The following DCC variants were observed in gnomAD, a reference collection of about 807,000 sequenced individuals.
DCC encodes the protein DCC netrin 1 receptor, also known as netrin receptor DCC.
Under a neutral mutation model 172.5 loss-of-function variants are expected in DCC, and 58 were observed. The observed-to-expected ratio is 0.34, with a 90% CI of 0.27 to 0.42. The LOEUF (loss-of-function observed/expected upper bound fraction) is 0.42. DCC is among the 10% of genes least tolerant of loss of function. The pLI is 1.00. For synonymous variants in DCC, 709 were observed against 644.5 expected (o/e 1.10, Z -1.52); for missense variants, 1,740 against 1,791.0 (o/e 0.97, Z 0.51).
intron 1 of DCC, among the ~76,000 whole-genome samples, chr18:52,718,622 C>A (rs140470242): frequency 1.3e-5 from 2 of 152,236 alleles, no homozygotes; most frequent in East Asian, 3.9e-4. Flanking sequence ...AGTGAGCTTC[C>A]TGTCATCTAC....
rs28879764 is a variant in DCC, at chr18:52,790,746, C to G, written c.412+38372C>G. On this transcript the variant is annotated intron_variant, in intron 2 of 28. Transcript: ENST00000442544. ...TTCCCTTTTTGCCTGTTATAGGAGA[C>G]ATATTGCTCATCTCCAAAATTCTCT... is the stretch of plus-strand genomic sequence containing the variant. Among the ~76,000 whole-genome samples, 483 of 152,256 alleles carry G rather than the reference C, an allele frequency of 3.2e-3. 2 individuals are homozygous for G. The highest frequency in any genetic ancestry group is 0.011 in the African/African-American group (446 of 41,558).
At chr18:53,445,427 C>G (rs1175569065) in intron 22 of DCC, among the ~76,000 whole-genome samples, 1 of 152,160 alleles carries the variant, frequency 6.6e-6, no homozygotes, top group East Asian at 1.9e-4. Flanking sequence ...CATTGTTTGC[C>G]TATTGATATT....
intron 7 of DCC, among the ~76,000 whole-genome samples, chr18:53,096,621 A>G (rs1205594155): frequency 6.6e-6 from 1 of 152,144 alleles, no homozygotes; most frequent in Non-Finnish European, 1.5e-5. Context: ...CAAAATAAAT[A>G]TAATGGAGGG....
At chr18:52,979,418 G>C (rs1216663093) in intron 5 of DCC, among the ~76,000 whole-genome samples, 3 of 152,160 alleles carry the variant, frequency 2.0e-5, no homozygotes, top group Admixed American at 2.0e-4. Flanking sequence ...TGCAGGGCCT[G>C]CCCAGAGGAT....
intron 5 of DCC, among the ~76,000 whole-genome samples, chr18:52,949,270 A>C (rs1042157716): frequency 6.6e-6 from 1 of 152,192 alleles, no homozygotes; most frequent in African/African-American, 2.4e-5. Context: ...TAAGCCTAGA[A>C]GAGTTCTTGA....
chr18:52,698,153 C>G (rs368741005), intron 1 of DCC, among the ~76,000 whole-genome samples: 1 of 152,026 alleles, frequency 6.6e-6, no homozygotes, highest in African/African-American at 2.4e-5. Context: ...ATAAAAAATT[C>G]AAAATTAATG....
chr18:52,651,865 G>C (rs1430766168), intron 1 of DCC, among the ~76,000 whole-genome samples: 1 of 152,144 alleles, frequency 6.6e-6, no homozygotes, highest in African/African-American at 2.4e-5. Flanking sequence ...ACTGATAAGA[G>C]GGGAAGAAAT....
intron 2 of DCC, among the ~76,000 whole-genome samples, chr18:52,896,917 C>T (rs1228719691): frequency 6.6e-6 from 1 of 152,094 alleles, no homozygotes; most frequent in Non-Finnish European, 1.5e-5. Context: ...AAATTCATTC[C>T]CTCAGAGACA....
intron 13 of DCC, among the ~76,000 whole-genome samples, chr18:53,317,707 G>A (rs1042774287): frequency 6.6e-5 from 10 of 151,916 alleles, no homozygotes; most frequent in African/African-American, 1.2e-4. Flanking sequence ...GTCTTGCAGC[G>A]GGCAGGGGGC....
intron 1 of DCC, among the ~76,000 whole-genome samples, chr18:52,577,780 C>A (rs1004254673): frequency 6.6e-6 from 1 of 152,138 alleles, no homozygotes; most frequent in Non-Finnish European, 1.5e-5. Context: ...ATATTCTTGG[C>A]AGAGATTGCT....
chr18:53,427,969 T>TATATA lies in DCC; in HGVS notation c.3164-7159_3164-7155dup, dbSNP rs1207269226. Among the ~76,000 whole-genome samples the TATATA allele has an allele frequency of 6.5e-5, 4 of 61,122 alleles. 1 individual carries two copies. Among genetic ancestry groups the TATATA allele is most frequent in the Non-Finnish European group, 1.3e-4 (4 of 30,148 alleles). The allele number at this position is 61,122 out of a possible 152,430, so 40.1% of individuals were successfully genotyped here. A position where few individuals can be genotyped will look rare whatever the true frequency, so the allele number is the denominator to read the frequency against. On this transcript the variant is annotated intron_variant, in intron 21 of 28. Coordinates refer to ENST00000442544, the MANE Select transcript of DCC (RefSeq NM_005215.4). ...TATAATATATAATATAATAATATAA[T>TATATA]ATATAATATAATATAATATATTATA...
At chr18:53,144,834 G>T (rs2043881792) in intron 7 of DCC, among the ~76,000 whole-genome samples, 1 of 152,070 alleles carries the variant, frequency 6.6e-6, no homozygotes. Context: ...TGTCTTGATG[G>T]TCATGTGGGA....
chr18:52,951,097 T>C (rs898666957), intron 5 of DCC, among the ~76,000 whole-genome samples: 1 of 151,984 alleles, frequency 6.6e-6, no homozygotes, highest in African/African-American at 2.4e-5. Flanking sequence ...GCCAGCAAGC[T>C]AGAAGCCACT....
At chr18:53,272,488 G>A (rs752531057) in intron 12 of DCC, among the ~76,000 whole-genome samples, 41 of 152,068 alleles carry the variant, frequency 2.7e-4, no homozygotes, top group Non-Finnish European at 4.0e-4. Context: ...AGAGGTATGC[G>A]TATTTCTGCT....
intron 2 of DCC, among the ~76,000 whole-genome samples, chr18:52,884,192 T>C (rs994794768): frequency 6.6e-6 from 1 of 152,108 alleles, no homozygotes. Flanking sequence ...AGGTTAAATC[T>C]CCTTGGTGCT....
intron 5 of DCC, among the ~76,000 whole-genome samples, chr18:52,937,497 A>G (rs1238699153): frequency 6.6e-6 from 1 of 152,098 alleles, no homozygotes; most frequent in Non-Finnish European, 1.5e-5. Context: ...CCCTAAAATC[A>G]AGAGCATTTG....
chr18:53,313,338 C>T (rs934608766), intron 13 of DCC, among the ~76,000 whole-genome samples: 5 of 152,098 alleles, frequency 3.3e-5, no homozygotes, highest in African/African-American at 9.7e-5. Context: ...CTCCGCGTCT[C>T]GGGTACAAGT....
At chr18:52,813,379 G>A (rs12458292) in intron 2 of DCC, among the ~76,000 whole-genome samples, 34,173 of 152,106 alleles carry the variant, frequency 0.22, 4,460 homozygotes, top group South Asian at 0.34. Flanking sequence ...TTTTTAGGGA[G>A]GGGGAACAGT....
intron 1 of DCC, among the ~76,000 whole-genome samples, chr18:52,364,473 C>A (rs1042154697): frequency 6.6e-6 from 1 of 152,040 alleles, no homozygotes; most frequent in African/African-American, 2.4e-5. Context: ...TTAAAAAAAG[C>A]TTAGCCATCT....
Sources: allele counts gnomAD v4.1 joint callset (sites outside exome capture counted in the v4.1 genomes callset), GRCh38; gene constraint gnomAD v4.1.1; transcripts MANE v1.5; gene names NCBI Gene and HGNC (gene_info 2026-07-23, HGNC 2026-07-21).